Variants in TIAM2 observed in about 807,000 individuals in gnomAD.
TIAM2 encodes the protein TIAM Rac1 associated GEF 2, also known as rho guanine nucleotide exchange factor TIAM2.
In TIAM2, 80 loss-of-function variants were observed where a neutral mutation model predicts 152.9. The observed-to-expected ratio is 0.52, with a 90% CI of 0.44 to 0.63. The LOEUF is 0.63. TIAM2 is among the 30% of genes least tolerant of loss of function. The probability of loss-of-function intolerance (pLI) is 0.00; values close to 1 mark genes in which losing one functional copy is unlikely to be tolerated. For synonymous variants in TIAM2, 804 were observed against 838.0 expected, an observed-to-expected ratio of 0.96 and a Z score of 0.70; for missense variants, 1,965 against 2,120.1, an observed-to-expected ratio of 0.93 and a Z score of 1.44.
intron 9 of TIAM2, among the ~76,000 whole-genome samples, chr6:155,168,301 C>CA (rs2115107361): frequency 6.6e-6 from 1 of 152,232 alleles, no homozygotes; most frequent in East Asian, 1.9e-4. Context: ...GGTTCTGTTT[C>CA]ACACCTTCAG....
At chr6:155,164,060 A>T (rs1309519621) in intron 7 of TIAM2, among the ~76,000 whole-genome samples, 2 of 149,730 alleles carry the variant, frequency 1.3e-5, no homozygotes, top group Non-Finnish European at 1.5e-5. Context: ...TCTAGGTTTA[A>T]TCCATTCTCC....
chr6:155,080,770 G>A (rs17798689), intron 1 of TIAM2, among the ~76,000 whole-genome samples: 10,166 of 152,140 alleles, frequency 0.067, 458 homozygotes, highest in Middle Eastern at 0.14. Flanking sequence ...CAAAAATGGC[G>A]CCTTTTAAGT....
chr6:155,028,458 T>C (rs1033732223), intron 1 of TIAM2, among the ~76,000 whole-genome samples: 1 of 135,764 alleles, frequency 7.4e-6, no homozygotes, highest in Non-Finnish European at 1.6e-5. Context: ...ATACTACATA[T>C]AATATATATA....
In TIAM2 at chr6:155,220,907, C is replaced by T. The variant is rs114815687; in HGVS notation, c.3168+9600C>T. Among the ~76,000 whole-genome samples the T allele has an allele frequency of 7.3e-3, 1,115 of 152,108 alleles. 14 individuals carry two copies. Among genetic ancestry groups the T allele is most frequent in the African/African-American group, 0.025 (1,037 of 41,476 alleles). ...CTTAGGTATTTCTCCTGACGCTATC[C>T]GTCTCCTAGCTCCCCACCTCCACTA... On this transcript the variant is annotated intron_variant, in intron 15 of 26. Transcript: ENST00000682666.
chr6:155,250,019 C>G, intron 21 of TIAM2, 50 bp downstream of exon 21: 2 of 1,406,702 alleles, frequency 1.4e-6, no homozygotes, highest in Non-Finnish European at 2.0e-6. Context: ...GGTGTGGGGT[C>G]TGTAGGTGAC....
At chr6:155,187,797 C>T (rs939766742) in intron 14 of TIAM2, among the ~76,000 whole-genome samples, 1 of 151,932 alleles carries the variant, frequency 6.6e-6, no homozygotes, top group Non-Finnish European at 1.5e-5. Flanking sequence ...AGGCTGGTCT[C>T]GAACTCCCAA....
chr6:155,256,085 G>A (rs1234115767), intron 26 of TIAM2: 3 of 266,418 alleles, frequency 1.1e-5, no homozygotes, highest in South Asian at 5.3e-5. Flanking sequence ...GTGAGAAGAT[G>A]CATAGGAATA....
intron 1 of TIAM2, among the ~76,000 whole-genome samples, chr6:155,000,360 C>T (rs879295886): frequency 6.6e-5 from 10 of 151,782 alleles, no homozygotes; most frequent in East Asian, 5.9e-4. Context: ...GGAGAAACCC[C>T]GTCTTTACTA....
rs902439751 is a variant in TIAM2, at chr6:155,148,396, C to T, written c.2028+62C>T. On this transcript the variant is annotated intron_variant, in intron 7 of 26. Transcript: ENST00000682666. ...TCATGTCACTTGTGCAGTGACTGAA[C>T]GCATGCTGTCATCTTGGTGGTATTT... is the stretch of plus-strand genomic sequence containing the variant. The T allele has an allele frequency of 1.7e-4, 250 of 1,436,550 alleles. 1 individual carries two copies. Among genetic ancestry groups the T allele is most frequent in the Non-Finnish European group, 2.2e-4 (227 of 1,040,266 alleles). 89.0% of individuals were successfully genotyped at this position (1,436,550 alleles called of 1,614,324 possible). A position where few individuals can be genotyped will look rare whatever the true frequency, so the allele number is the denominator to read the frequency against.
At chr6:155,238,241 C>G (rs911488002) in intron 15 of TIAM2, among the ~76,000 whole-genome samples, 2 of 152,230 alleles carry the variant, frequency 1.3e-5, no homozygotes, top group Non-Finnish European at 2.9e-5. Flanking sequence ...CAGTTCCCAA[C>G]AAGTTCCTCA....
At chr6:155,118,241 G>C (rs1224085911) in intron 2 of TIAM2, among the ~76,000 whole-genome samples, 1 of 152,012 alleles carries the variant, frequency 6.6e-6, no homozygotes, top group African/African-American at 2.4e-5. Context: ...TGGTGCTTGG[G>C]ACCTGCACCC....
At chr6:155,139,254 T>A (rs1328214663) in intron 5 of TIAM2, among the ~76,000 whole-genome samples, 2 of 152,238 alleles carry the variant, frequency 1.3e-5, no homozygotes, top group African/African-American at 4.8e-5. Flanking sequence ...AGGGCAGGCA[T>A]CATGCCTTCG....
At chr6:155,044,812 A>G (rs1392370558) in intron 1 of TIAM2, among the ~76,000 whole-genome samples, 1 of 149,434 alleles carries the variant, frequency 6.7e-6, no homozygotes, top group Non-Finnish European at 1.5e-5. Context: ...TGGGCGACAG[A>G]GCAAGACTCT....
At chr6:155,243,165 C>T (rs1387439102) in intron 16 of TIAM2, among the ~76,000 whole-genome samples, 5 of 152,172 alleles carry the variant, frequency 3.3e-5, no homozygotes, top group African/African-American at 1.2e-4. Context: ...AGAGTTTAGC[C>T]ATTAGAGCTG....
In TIAM2 at chr6:155,254,679, C is replaced by T. The variant is rs115115867; in HGVS notation, c.4468+106C>T. The T allele has an allele frequency of 1.5e-3, 2,090 of 1,405,604 alleles. 27 individuals are homozygous for T. In the African/African-American group the frequency reaches 0.027, roughly 18 times the overall value. The allele number at this position is 1,405,604 out of a possible 1,614,324, so 87.1% of individuals were successfully genotyped here. ...TGTGACTTTTCACTTTGTAAGTCAT[C>T]GAGGTACCTTTATCTCCTTTTAAGA... On this transcript the variant is annotated intron_variant, in intron 26 of 26. Transcript: ENST00000682666.
At chr6:155,075,202 ATT>A (rs1783110926) in intron 1 of TIAM2, among the ~76,000 whole-genome samples, 1 of 152,158 alleles carries the variant, frequency 6.6e-6, no homozygotes, top group Non-Finnish European at 1.5e-5. Flanking sequence ...AAAAAGAAAA[ATT>A]CTCTGCATAA....
chr6:155,072,696 T>C (rs749904357), intron 1 of TIAM2, among the ~76,000 whole-genome samples: 2 of 152,026 alleles, frequency 1.3e-5, no homozygotes, highest in South Asian at 2.1e-4. Flanking sequence ...TCGTCAATGA[T>C]AGTGAAAGCC....
intron 19 of TIAM2, among the ~76,000 whole-genome samples, chr6:155,247,582 C>T (rs1326377174): frequency 2.6e-5 from 4 of 152,264 alleles, no homozygotes; most frequent in African/African-American, 9.6e-5. Flanking sequence ...CCCGCCTCAG[C>T]CTCCCAAAGT....
At chr6:155,148,741 G>GT (rs1779877064) in intron 7 of TIAM2, among the ~76,000 whole-genome samples, 1 of 152,148 alleles carries the variant, frequency 6.6e-6, no homozygotes, top group Non-Finnish European at 1.5e-5. Flanking sequence ...TGTAACAGCT[G>GT]TTTCTGTGTC....
Sources: gnomAD v4.1 joint callset for allele counts (sites outside exome capture counted in the v4.1 genomes callset) on GRCh38, gnomAD v4.1.1 for gene constraint, MANE v1.5 for transcripts, NCBI Gene and HGNC (gene_info 2026-07-23, HGNC 2026-07-21) for gene names.